Variants in DYRK1A observed in about 807,000 individuals in gnomAD.
The protein encoded by DYRK1A is dual specificity tyrosine phosphorylation regulated kinase 1A.
A neutral mutation model predicts 79.7 loss-of-function variants in DYRK1A; 9 were observed. The ratio of observed to expected loss-of-function variants is 0.11; its 90% CI spans 0.07 to 0.20. The LOEUF (loss-of-function observed/expected upper bound fraction) is 0.20, where lower values mean the gene tolerates loss of function less well. DYRK1A is among the 10% of genes least tolerant of loss of function. DYRK1A has a pLI of 1.00. For synonymous variants in DYRK1A, 349 were observed against 329.7 expected (o/e 1.06, Z -0.63); for missense variants, 622 against 956.0 (o/e 0.65, Z 4.61).
intron 1 of DYRK1A, among the ~76,000 whole-genome samples, chr21:37,390,600 G>A (rs953122284): frequency 6.6e-6 from 1 of 152,014 alleles, no homozygotes; most frequent in Admixed American, 6.6e-5. Context: ...AGACAGTCTC[G>A]CTCTGTCACT....
At chr21:37,451,365 C>CCCCCCCCCT (rs59321172) in intron 2 of DYRK1A, among the ~76,000 whole-genome samples, 50 of 140,490 alleles carry the variant, frequency 3.6e-4, no homozygotes, top group Non-Finnish European at 5.5e-4. Flanking sequence ...TCCATCCCTC[C>CCCCCCCCCT]CTCCCTCCAT....
At chr21:37,427,529 T>A (rs765766149) in intron 2 of DYRK1A, among the ~76,000 whole-genome samples, 5 of 152,236 alleles carry the variant, frequency 3.3e-5, no homozygotes, top group Non-Finnish European at 7.3e-5. Context: ...AATTAGTTAA[T>A]GTTTAACGGT....
At position 37,512,129 on chromosome 21, in the gene DYRK1A, A is replaced by G; in HGVS notation, c.1863A>G (p.Pro621=). Residue 621 remains proline (P), a synonymous_variant, in exon 12 of 12, where the codon CCA becomes CCG. Transcript: ENST00000647188. ...AAGCCTTGGGTAACCGGACCAGGCC[A>G]AGGGTCTACAATTCTCCAACGAATA... is the stretch of plus-strand genomic sequence containing the variant. ...GQQALGNRTR[P]RVYNSPTNSS... 1 of 1,614,184 alleles carries G rather than the reference A, an allele frequency of 6.2e-7. No homozygotes were observed. Among genetic ancestry groups the G allele is most frequent in the Non-Finnish European group, 8.5e-7 (1 of 1,180,028 alleles).
chr21:37,432,636 T>A (rs1260495078), intron 2 of DYRK1A, among the ~76,000 whole-genome samples: 2 of 152,170 alleles, frequency 1.3e-5, no homozygotes, highest in Non-Finnish European at 2.9e-5. Flanking sequence ...AAATTGTTAG[T>A]ATGGTATGAT....
chr21:37,429,982 T>C (rs2050732794), intron 2 of DYRK1A, among the ~76,000 whole-genome samples: 1 of 152,220 alleles, frequency 6.6e-6, no homozygotes, highest in Non-Finnish European at 1.5e-5. Context: ...TGAAACCAGA[T>C]AGCTCTCAGT....
rs187511530 is a variant in DYRK1A, at chr21:37,376,063, G to C, written c.-77+8435G>C. ...GCTTGGCAGAGAGAAGAGAGAGTCT[G>C]AGTGCTGGGAGGAGTTCCACTGGGA... On this transcript the variant is annotated intron_variant, in intron 1 of 11. Coordinates refer to ENST00000647188, the MANE Select transcript of DYRK1A (RefSeq NM_001347721.2). 1.8e-3 allele frequency among the ~76,000 whole-genome samples: 271 copies of C among 152,220 alleles called. 2 individuals carry two copies. Among genetic ancestry groups the C allele is most frequent in the Admixed American group, 0.016 (239 of 15,290 alleles).
At chr21:37,510,974 G>A (rs2053733400) in intron 11 of DYRK1A, among the ~76,000 whole-genome samples, 1 of 152,142 alleles carries the variant, frequency 6.6e-6, no homozygotes, top group Non-Finnish European at 1.5e-5. Flanking sequence ...CAGCCAGAGT[G>A]GTCAGGGAAG....
At chr21:37,387,692 G>A (rs956631941) in intron 1 of DYRK1A, among the ~76,000 whole-genome samples, 2 of 152,052 alleles carry the variant, frequency 1.3e-5, no homozygotes, top group Non-Finnish European at 2.9e-5. Context: ...TTTATCCTTC[G>A]TTTTACTGGA....
chr21:37,493,633 C>G (rs1394042320), intron 8 of DYRK1A, among the ~76,000 whole-genome samples: 1 of 152,168 alleles, frequency 6.6e-6, no homozygotes, highest in African/African-American at 2.4e-5. Flanking sequence ...GTTCTGAAGT[C>G]TACAGGTTTT....
intron 9 of DYRK1A, chr21:37,502,422 CTA>C (rs966235452): frequency 6.6e-6 from 1 of 152,054 alleles, no homozygotes; most frequent in Non-Finnish European, 1.5e-5. Context: ...ACTTATTCCT[CTA>C]TGTGTCATGT....
intron 2 of DYRK1A, among the ~76,000 whole-genome samples, chr21:37,455,701 TGATA>T (rs989090648): frequency 9.1e-4 from 138 of 152,326 alleles, no homozygotes; most frequent in African/African-American, 2.5e-3. Context: ...AGTAAGCAAC[TGATA>T]GATCTCTATT....
At chr21:37,461,970 C>G (rs1424155342) in intron 2 of DYRK1A, among the ~76,000 whole-genome samples, 2 of 151,374 alleles carry the variant, frequency 1.3e-5, no homozygotes, top group African/African-American at 4.9e-5. Flanking sequence ...TAGGTCCGTT[C>G]AGTGAATTTT....
chr21:37,464,784 A>T lies in DYRK1A; in HGVS notation c.11-7900A>T, dbSNP rs907360133. On this transcript the variant is annotated intron_variant, in intron 2 of 11. Coordinates refer to ENST00000647188, the MANE Select transcript of DYRK1A (RefSeq NM_001347721.2). ...TTCATATGGTTCCGCATAATACTTTATATGATCATCCCTGTTACAGGATGA... is the reference window on the plus strand; with the variant it reads ...TTCATATGGTTCCGCATAATACTTTTTATGATCATCCCTGTTACAGGATGA... 3.3e-5 allele frequency among the ~76,000 whole-genome samples: 5 copies of T among 152,234 alleles called. No individual in the cohort carries two copies. In the East Asian group the frequency reaches 9.6e-4, roughly 29 times the overall value.
At chr21:37,402,343 G>T (rs1040618815) in intron 1 of DYRK1A, among the ~76,000 whole-genome samples, 2 of 152,114 alleles carry the variant, frequency 1.3e-5, no homozygotes, top group Non-Finnish European at 2.9e-5. Context: ...CTAAATGTCT[G>T]TATTCAGTCT....
chr21:37,437,036 A>T (rs983306061), intron 2 of DYRK1A, among the ~76,000 whole-genome samples: 3 of 152,152 alleles, frequency 2.0e-5, no homozygotes, highest in Non-Finnish European at 2.9e-5. Context: ...TTAACAGGTG[A>T]TGTTTGAAGG....
At chr21:37,425,477 T>C (rs569201481) in intron 2 of DYRK1A, among the ~76,000 whole-genome samples, 93 of 152,318 alleles carry the variant, frequency 6.1e-4, no homozygotes, top group African/African-American at 1.8e-3. Context: ...TTGATATTTA[T>C]AGAAAAAATG....
At chr21:37,386,115 T>A (rs751663408) in intron 1 of DYRK1A, among the ~76,000 whole-genome samples, 11 of 152,160 alleles carry the variant, frequency 7.2e-5, no homozygotes, top group Non-Finnish European at 1.3e-4. Context: ...AAATGGGAAG[T>A]GGTTGATAGG....
At chr21:37,416,083 T>C (rs2050332457) in intron 1 of DYRK1A, among the ~76,000 whole-genome samples, 1 of 152,174 alleles carries the variant, frequency 6.6e-6, no homozygotes, top group Admixed American at 6.5e-5. Flanking sequence ...GTTCACAAAC[T>C]GTGACCTTAG....
intron 2 of DYRK1A, among the ~76,000 whole-genome samples, chr21:37,448,655 A>C (rs773907239): frequency 6.6e-6 from 1 of 152,152 alleles, no homozygotes; most frequent in Non-Finnish European, 1.5e-5. Flanking sequence ...ATATTGAGCA[A>C]AGGAGGGAAA....
Sources: gnomAD v4.1 joint callset for allele counts (sites outside exome capture counted in the v4.1 genomes callset) on GRCh38, gnomAD v4.1.1 for gene constraint, MANE v1.5 for transcripts, NCBI Gene and HGNC (gene_info 2026-07-23, HGNC 2026-07-21) for gene names.